The following PLXNA3 variants were observed in gnomAD, a reference collection of about 807,000 sequenced individuals.
PLXNA3 encodes plexin A3.
A neutral mutation model predicts 118.8 loss-of-function variants in PLXNA3; 52 were observed. The ratio of observed to expected loss-of-function variants is 0.44; its 90% CI spans 0.35 to 0.55. The LOEUF (loss-of-function observed/expected upper bound fraction) is 0.55. PLXNA3 is among the 20% of genes least tolerant of loss of function. PLXNA3 has a pLI of 0.01. For missense variants in PLXNA3, 1,660 were observed against 1,730.8 expected (o/e 0.96, Z 0.73); for synonymous variants, 925 against 762.4 (o/e 1.21, Z -3.51).
Position 154,463,898 on chromosome X carries a change from C to T in PLXNA3, c.1548-53C>T, listed in dbSNP as rs782227835. On this transcript the variant is annotated intron_variant, in intron 6 of 32. Coordinates refer to ENST00000369682, the MANE Select transcript of PLXNA3 (RefSeq NM_017514.5). ...TGCCTGGCACTGTGAGCTGGACAGG[C>T]CTGGGCCCTCCCGGGGCAGTGGCGG... The T allele has an allele frequency of 3.0e-5, 35 of 1,155,590 alleles. No individual in the cohort carries two copies. The South Asian group carries it at 5.6e-4, about 18-fold the overall frequency.
In PLXNA3 at chrX:154,461,095, C is replaced by G. The variant is rs2068946768; in HGVS notation, c.595-4C>G. On this transcript the variant is annotated splice_polypyrimidine_tract_variant and splice_region_variant and intron_variant, in intron 2 of 32. Coordinates refer to ENST00000369682, the MANE Select transcript of PLXNA3 (RefSeq NM_017514.5). ...GGATGCTGTCTCCTCCCCCTGCTCC[C>G]CAGGTGTACCAGGATGAGTTTGTGT... 4.2e-6 allele frequency: 5 copies of G among 1,184,762 alleles called. No homozygotes were observed. The highest frequency in any genetic ancestry group is 1.9e-5 in the South Asian group (1 of 53,999).
chrX:154,471,382 AG>A, intron 31 of PLXNA3, 65 bp downstream of exon 31: 1 of 1,154,326 alleles, frequency 8.7e-7, no homozygotes, highest in Non-Finnish European at 1.2e-6. Flanking sequence ...TGCCTGTGCG[AG>A]GCAGGCCAGC....
rs782089123 is a variant in PLXNA3 at position 154,462,114 on chromosome X, C to G, written c.1135-14C>G. 6.9e-6 allele frequency: 8 copies of G among 1,166,534 alleles called. No homozygotes were observed. In the East Asian group the frequency reaches 2.5e-4, roughly 36 times the overall value. On this transcript the variant is annotated splice_polypyrimidine_tract_variant and intron_variant, in intron 3 of 32. Transcript: ENST00000369682. ...GAGCTTTGACTCTCACGGGTTCCTC[C>G]TCTGTTTCACCAGCCCATGCAGATC...
At chrX:154,470,995 A>C (rs1309406833) in intron 30 of PLXNA3, 110 bp from the exon 31 acceptor site, 5 of 584,677 alleles carry the variant, frequency 8.6e-6, no homozygotes, top group Non-Finnish European at 1.1e-5. Flanking sequence ...TGCTCTCACC[A>C]CCTCTGGACA....
chrX:154,463,404 G>C lies in PLXNA3; in HGVS notation c.1331G>C (p.Gly444Ala). The C allele has an allele frequency of 8.3e-7, 1 of 1,210,166 alleles. No individual in the cohort carries two copies. Among genetic ancestry groups the C allele is most frequent in the Non-Finnish European group, 1.1e-6 (1 of 894,913 alleles). ...SGSLKKVRVD[G>A]FQDAHLYETV... ...CTTGTGGCTCAGGTGCGGGTCGATG[G>C]CTTCCAGGATGCCCACCTGTATGAG... The change falls in exon 5 of 33, where the codon GGC becomes GCC. Residue 444 changes from glycine to alanine, a missense_variant. Physicochemically the swap from Gly to Ala is moderately conservative, Grantham distance 60. Around this residue, in one of 2 missense-constraint regions of PLXNA3, gnomAD observed 791 missense variants for 652.1 expected, o/e 1.21. Transcript: ENST00000369682.
intron 6 of PLXNA3, 124 bp from the exon 7 acceptor site, chrX:154,463,827 G>T: frequency 9.9e-7 from 1 of 1,007,737 alleles, no homozygotes; most frequent in South Asian, 2.2e-5. Context: ...CCTCCACCCC[G>T]AGTGACGTCC....
rs782403559 is a variant in PLXNA3 at position 154,460,709 on chromosome X, G to T, written c.526G>T (p.Glu176Ter). 8.7e-7 allele frequency: 1 copy of T among 1,142,980 alleles called. No homozygotes were observed. The highest frequency in any genetic ancestry group is 1.2e-6 in the Non-Finnish European group (1 of 865,857). The allele number at this position is 1,142,980 out of a possible 1,213,427, so 94.2% of individuals were successfully genotyped here. Residue 176 changes from glutamate to a stop codon, truncating the protein, a stop_gained, in exon 2 of 33, where the codon GAG becomes TAG. Coordinates refer to ENST00000369682, the MANE Select transcript of PLXNA3 (RefSeq NM_017514.5). LOFTEE classifies it high-confidence loss of function. ...GGGCACTGCTGTCGACGGCAAGTCG[G>T]AGTACTTCCCCACCTTGAGCTCCCG... ...FVGTAVDGKS[E>*]YFPTLSSRKL...
rs1293091074 is a variant in PLXNA3 at position 154,475,939 on chromosome X, C to T, written c.*3254C>T. 3 of 111,260 alleles carry T rather than the reference C, an allele frequency of 2.7e-5. No homozygotes were observed. Among genetic ancestry groups the T allele is most frequent in the Admixed American group, 9.5e-5 (1 of 10,498 alleles). 9.2% of individuals were successfully genotyped at this position (111,260 alleles called of 1,213,427 possible). On this transcript the variant is annotated 3_prime_UTR_variant, in exon 33 of 33. Coordinates refer to ENST00000369682, the MANE Select transcript of PLXNA3 (RefSeq NM_017514.5). ...ATCCCAGCACTTTTGGAGGCCCAGGCGGGAAGATCACTGGAGCCCAGGAGT... is the reference window on the plus strand; with the variant it reads ...ATCCCAGCACTTTTGGAGGCCCAGGTGGGAAGATCACTGGAGCCCAGGAGT...
chrX:154,469,543 C>A, intron 27 of PLXNA3, 61 bp downstream of exon 27: 1 of 1,016,716 alleles, frequency 9.8e-7, no homozygotes, highest in Non-Finnish European at 1.4e-6. Context: ...CTGCCTTGAG[C>A]TGCAGCAGGA....
intron 1 of PLXNA3, among the ~76,000 whole-genome samples, chrX:154,459,863 C>T (rs1457801673): frequency 1.8e-5 from 2 of 113,232 alleles, no homozygotes; most frequent in African/African-American, 3.2e-5. Flanking sequence ...CTGTTGGTTG[C>T]CCCGGGCTCT....
At position 154,463,660 on chromosome X, in the gene PLXNA3, C is replaced by A; in HGVS notation, c.1517C>A (p.Pro506Gln). The A allele has an allele frequency of 8.3e-7, 1 of 1,204,337 alleles. No homozygotes were observed. Among genetic ancestry groups the A allele is most frequent in the Non-Finnish European group, 1.1e-6 (1 of 893,174 alleles). ...SCAACLGSGD[P>Q]HCGWCVLRHR... is the part of the protein sequence containing the mutation. ...GCAGCCTGCCTGGGCTCCGGGGACC[C>A]GCACTGTGGTTGGTGTGTGCTGCGA... The change falls in exon 6 of 33, where the codon CCG (proline) becomes CAG (glutamine). Residue 506 changes from proline (P) to glutamine (Q), a missense_variant. By Grantham distance (76) the Pro-to-Gln change is moderately conservative. Around this residue, in one of 2 missense-constraint regions of PLXNA3, gnomAD observed 791 missense variants for 652.1 expected, o/e 1.21. Coordinates refer to ENST00000369682, the MANE Select transcript of PLXNA3 (RefSeq NM_017514.5).
chrX:154,472,755 T>A lies in PLXNA3; in HGVS notation c.*70T>A. The A allele has an allele frequency of 1.2e-6, 1 of 834,156 alleles. No homozygotes were observed. The highest frequency in any genetic ancestry group is 1.8e-6 in the Non-Finnish European group (1 of 555,973). The allele number at this position is 834,156 out of a possible 1,213,427, so 68.7% of individuals were successfully genotyped here. A position where few individuals can be genotyped will look rare whatever the true frequency, so the allele number is the denominator to read the frequency against. ...CCTCCCATCCAGGGGAGTGGCTGGCTCAAGCCTGGGTCCCCGGGCTGAGCC... is the reference window on the plus strand; with the variant it reads ...CCTCCCATCCAGGGGAGTGGCTGGCACAAGCCTGGGTCCCCGGGCTGAGCC... On this transcript the variant is annotated 3_prime_UTR_variant, in exon 33 of 33. Transcript: ENST00000369682.
At position 154,466,067 on chromosome X, in the gene PLXNA3, A is replaced by T; in HGVS notation, c.2665A>T (p.Ile889Phe). The part of the protein sequence containing the change: ...VRCNSIPAEY[I>F]SAERIVCEME... ...TTGCAACTCCATTCCGGCCGAGTAC[A>T]TCAGTGCTGAGAGGTGAGTGCGGCT... The change falls in exon 14 of 33, where the codon ATC becomes TTC. Residue 889 changes from isoleucine (I) to phenylalanine (F), a missense_variant. Ile to Phe is a conservative substitution (Grantham distance 21). Around this residue, in one of 2 missense-constraint regions of PLXNA3, gnomAD observed 869 missense variants for 1,078.7 expected, o/e 0.81. Transcript: ENST00000369682. 2.5e-6 allele frequency: 3 copies of T among 1,209,045 alleles called. No homozygotes were observed. Among genetic ancestry groups the T allele is most frequent in the Non-Finnish European group, 3.4e-6 (3 of 893,951 alleles).
chrX:154,458,930 T>TC (rs2068887927), intron 1 of PLXNA3, among the ~76,000 whole-genome samples: 3 of 111,698 alleles, frequency 2.7e-5, no homozygotes, highest in South Asian at 3.8e-4. Flanking sequence ...AGGCTTGTGT[T>TC]CCCGGGGTGT....
At position 154,467,586 on chromosome X, in the gene PLXNA3, C is replaced by T; in HGVS notation, c.3483C>T (p.Leu1161=). The T allele has an allele frequency of 1.7e-6, 2 of 1,203,550 alleles. No individual in the cohort carries two copies. Among genetic ancestry groups the T allele is most frequent in the Admixed American group, 4.4e-5 (2 of 45,078 alleles). ...LIPAAAGSSR[L]NYTVLIGGQP... is the part of the protein sequence containing the mutation. Reference sequence around the variant, plus strand: ...CCGCTGCAGCCGGCAGCTCCCGCCTCAACTACACTGTGCTGATAGGAGGCC... The same window carrying T: ...CCGCTGCAGCCGGCAGCTCCCGCCTTAACTACACTGTGCTGATAGGAGGCC... Residue 1161 remains leucine, a synonymous_variant, in exon 20 of 33, where the codon CTC becomes CTT. Transcript: ENST00000369682.
At position 154,469,049 on chromosome X, in the gene PLXNA3, C is replaced by T. The variant is rs2069141214; in HGVS notation, c.4435-7C>T. The T allele has an allele frequency of 8.3e-7, 1 of 1,210,804 alleles. No individual in the cohort carries two copies. On this transcript the variant is annotated splice_region_variant and splice_polypyrimidine_tract_variant and intron_variant, in intron 25 of 32. Coordinates refer to ENST00000369682, the MANE Select transcript of PLXNA3 (RefSeq NM_017514.5). ...CAGACTGACACTGGAGTCCGCTTTC[C>T]CCTCAGACCCTTCACTGCGTGTGTC...
chrX:154,470,410 C>T (rs2069166749), intron 29 of PLXNA3, 32 bp from the exon 30 acceptor site: 1 of 1,194,236 alleles, frequency 8.4e-7, no homozygotes, highest in Non-Finnish European at 1.1e-6. Flanking sequence ...ACCTGGCTCC[C>T]TCATAGCCTG....
chrX:154,463,363 G>C (rs2069010735), intron 4 of PLXNA3, 28 bp from the exon 5 acceptor site: 1 of 1,208,485 alleles, frequency 8.3e-7, no homozygotes, highest in Admixed American at 2.2e-5. Context: ...GGAGGCTGTG[G>C]TGGCATCAGG....
rs782124070 is a variant in PLXNA3, at chrX:154,460,421, C to T, written c.238C>T (p.Pro80Ser). The change falls in exon 2 of 33, where the codon CCC (proline) becomes TCC (serine). Residue 80 changes from proline to serine, a missense_variant. By Grantham distance (74) the Pro-to-Ser change is moderately conservative. This residue lies in a region of PLXNA3 where 791 missense variants were observed against 652.1 expected (regional missense o/e 1.21). Transcript: ENST00000369682. Reference protein sequence around the residue: ...PVEDNARCYPPPSMRVCAHRL... With the variant: ...PVEDNARCYPSPSMRVCAHRL... ...CGAGGACAACGCTCGCTGCTACCCG[C>T]CCCCCAGCATGCGCGTGTGTGCCCA... 5 of 1,201,174 alleles carry T rather than the reference C, an allele frequency of 4.2e-6. No homozygotes were observed. The highest frequency in any genetic ancestry group is 5.6e-6 in the Non-Finnish European group (5 of 888,761).
Sources: gnomAD v4.1 joint callset for allele counts (sites outside exome capture counted in the v4.1 genomes callset) on GRCh38, gnomAD v4.1.1 for gene constraint, gnomAD v4.1.1 regional missense constraint, MANE v1.5 for transcripts, NCBI Gene and HGNC (gene_info 2026-07-23, HGNC 2026-07-21) for gene names.